The following GLMN variants were observed in gnomAD, a reference collection of about 807,000 sequenced individuals.
GLMN encodes the protein glomulin, FKBP associated protein.
GLMN carries 75 observed loss-of-function variants against 87.8 expected under a neutral mutation model. That is an observed-to-expected ratio of 0.85 (90% confidence interval 0.71 to 1.04). The LOEUF (loss-of-function observed/expected upper bound fraction) is 1.04. Ranked by LOEUF, GLMN falls within the 50% of genes least tolerant of loss-of-function variation. The pLI is 0.00. For missense variants in GLMN, 588 were observed against 658.8 expected, an observed-to-expected ratio of 0.89 and a Z score of 1.18; for synonymous variants, 206 against 221.6, an observed-to-expected ratio of 0.93 and a Z score of 0.63.
chr1:92,265,205 T>C (rs1208805914), intron 13 of GLMN, among the ~76,000 whole-genome samples: 2 of 152,144 alleles, frequency 1.3e-5, no homozygotes, highest in Non-Finnish European at 2.9e-5. Context: ...AATTTGAATA[T>C]TTTTATGAAC....
chr1:92,340,825 T>G, the GLMN span, among the ~76,000 whole-genome samples: 2 of 152,200 alleles, frequency 1.3e-5, no homozygotes, highest in East Asian at 1.9e-4. Flanking sequence ...TGTCGTAGTG[T>G]AAAGCAGTTT....
chr1:92,328,892 A>G, the GLMN span, among the ~76,000 whole-genome samples: 4 of 152,102 alleles, frequency 2.6e-5, no homozygotes, highest in African/African-American at 9.7e-5. Context: ...CTGAGAGCCA[A>G]ACTGCAGTGA....
At chr1:92,297,287 C>T in intron 3 of GLMN, 117 bp downstream of exon 3, 1 of 1,368,856 alleles carries the variant, frequency 7.3e-7, no homozygotes, top group Non-Finnish European at 1.0e-6. Context: ...TTTCAGTTCC[C>T]TACTGTGAAA....
chr1:92,290,499 T>C (rs985489061), intron 4 of GLMN, among the ~76,000 whole-genome samples, 193 bp from the exon 5 acceptor site: 6 of 152,322 alleles, frequency 3.9e-5, no homozygotes, highest in Non-Finnish European at 7.4e-5. Flanking sequence ...CAAGTAACTA[T>C]AAAACTAAAA....
At chr1:92,263,596 T>C (rs1208866414) in intron 15 of GLMN, 27 bp downstream of exon 15, 4 of 932,456 alleles carry the variant, frequency 4.3e-6, no homozygotes, top group Non-Finnish European at 5.4e-6. Context: ...GAATTTACTA[T>C]GTGAACTTTG....
chr1:92,275,824 C>T (rs751456940), intron 7 of GLMN, among the ~76,000 whole-genome samples: 13 of 152,162 alleles, frequency 8.5e-5, no homozygotes, highest in Non-Finnish European at 1.6e-4. Flanking sequence ...CTACCACTTC[C>T]GACTTCCTTC....
chr1:92,332,936 C>A, the GLMN span, among the ~76,000 whole-genome samples: 1 of 152,040 alleles, frequency 6.6e-6, no homozygotes, highest in East Asian at 1.9e-4. Context: ...TGTTTTCCCC[C>A]AACTTTTTTC....
At chr1:92,292,703 G>T (rs1287072726) in intron 3 of GLMN, among the ~76,000 whole-genome samples, 1 of 146,008 alleles carries the variant, frequency 6.8e-6, no homozygotes, top group East Asian at 2.1e-4. Flanking sequence ...GATTACAGGC[G>T]TGAGCCACCG....
chr1:92,309,296 G>A, the GLMN span, among the ~76,000 whole-genome samples: 1 of 151,818 alleles, frequency 6.6e-6, no homozygotes, highest in Non-Finnish European at 1.5e-5. Context: ...ACAAAAATTA[G>A]CTGGACGTGG....
intron 7 of GLMN, among the ~76,000 whole-genome samples, chr1:92,283,360 G>C (rs1226746563): frequency 6.6e-6 from 1 of 152,090 alleles, no homozygotes; most frequent in Admixed American, 6.5e-5. Context: ...CAGAACCAAT[G>C]ACAAAAACCA....
upstream of GLMN, among the ~76,000 whole-genome samples, chr1:92,302,184 T>C (rs1187093017): frequency 6.6e-6 from 1 of 151,960 alleles, no homozygotes; most frequent in East Asian, 1.9e-4. Flanking sequence ...GGCTGAGGCA[T>C]GAGAATCACT....
At chr1:92,336,289 C>G in the GLMN span, 1 of 1,190,072 alleles carries the variant, frequency 8.4e-7, no homozygotes, top group East Asian at 2.5e-5. Context: ...TAGGCATGAC[C>G]CAAAAAAAGT....
Position 92,268,143 on chromosome 1 carries a change from ATAATAT to A in GLMN, c.978-14_978-9del, listed in dbSNP as rs761274225. On this transcript the variant is annotated splice_polypyrimidine_tract_variant and intron_variant, in intron 9 of 18. Coordinates refer to ENST00000370360, the MANE Select transcript of GLMN (RefSeq NM_053274.3). ...ATAACAGACTCTTCTGTTCTGAAAA[ATAATAT>A]TAAAATTTATCATGAATTTGTAAAC... 29 of 1,341,272 alleles carry A rather than the reference ATAATAT, an allele frequency of 2.2e-5. 1 individual carries two copies. The highest frequency in any genetic ancestry group is 8.5e-5 in the Admixed American group (5 of 58,636). The allele number at this position is 1,341,272 out of a possible 1,614,324, so 83.1% of individuals were successfully genotyped here. A position where few individuals can be genotyped will look rare whatever the true frequency, so the allele number is the denominator to read the frequency against.
chr1:92,299,948 G>A (rs773976496), upstream of GLMN, among the ~76,000 whole-genome samples: 7 of 152,140 alleles, frequency 4.6e-5, no homozygotes, highest in Admixed American at 2.6e-4. Context: ...ATCATCGAGT[G>A]CACTTACACA....
chr1:92,365,783 T>TAAGA, the GLMN span, among the ~76,000 whole-genome samples: 1 of 152,232 alleles, frequency 6.6e-6, no homozygotes. Context: ...TTGAAAATTG[T>TAAGA]AAGATCTACT....
chr1:92,253,014 G>A (rs1380126598), intron 16 of GLMN, among the ~76,000 whole-genome samples: 5 of 152,140 alleles, frequency 3.3e-5, no homozygotes, highest in Non-Finnish European at 7.4e-5. Flanking sequence ...GTCAGTGATG[G>A]TAATGAAGAA....
the GLMN span, among the ~76,000 whole-genome samples, chr1:92,365,059 C>CTTAT: frequency 6.6e-6 from 1 of 152,276 alleles, no homozygotes; most frequent in African/African-American, 2.4e-5. Flanking sequence ...ATGCTTGAAA[C>CTTAT]TTATTTTCTT....
At chr1:92,266,543 G>A (rs556970173) in intron 12 of GLMN, 51 bp from the exon 13 acceptor site, 1 of 1,178,564 alleles carries the variant, frequency 8.5e-7, no homozygotes, top group Non-Finnish European at 1.3e-6. Flanking sequence ...AGCTTACCCA[G>A]ACTTCATCAC....
chr1:92,265,113 T>C (rs1655465909), intron 13 of GLMN, among the ~76,000 whole-genome samples: 1 of 152,198 alleles, frequency 6.6e-6, no homozygotes. Flanking sequence ...AGTGCTGGGA[T>C]TACAGGCATG....
Sources: gnomAD v4.1 joint callset for allele counts (sites outside exome capture counted in the v4.1 genomes callset) on GRCh38, gnomAD v4.1.1 for gene constraint, MANE v1.5 for transcripts, NCBI Gene and HGNC (gene_info 2026-07-23, HGNC 2026-07-21) for gene names.